The following ZNF483 variants were observed in gnomAD, a reference collection of about 807,000 sequenced individuals.
ZNF483 encodes zinc finger protein HIT-10.
In ZNF483, 9 loss-of-function variants were observed where a neutral mutation model predicts 28.6. The observed-to-expected ratio is 0.32, with a 90% CI of 0.19 to 0.55. ZNF483 has a LOEUF of 0.55. Among genes scored for constraint, ZNF483 ranks in the 20% least tolerant of loss-of-function variants. The probability of loss-of-function intolerance (pLI) is 0.93; values close to 1 mark genes in which losing one functional copy is unlikely to be tolerated. For missense variants in ZNF483, 675 were observed against 871.7 expected, an observed-to-expected ratio of 0.77 and a Z score of 2.84; for synonymous variants, 322 against 306.2, an observed-to-expected ratio of 1.05 and a Z score of -0.54.
intron 3 of ZNF483, 68 bp from the exon 4 acceptor site, chr9:111,533,671 C>CA (rs374986204): frequency 0.028 from 28,740 of 1,043,606 alleles, 11 homozygotes; most frequent in African/African-American, 0.035. Context: ...TAGCCTGTCT[C>CA]AAAAAAAAAA....
rs533458994 is a variant in ZNF483, at chr9:111,572,352, T to C, written c.722-4013T>C. ...GCTCATGCCTGTAATCCCAGCACTT[T>C]GGAAGACTGAAGGGAGCAGATCACG... is the stretch of plus-strand genomic sequence containing the variant. On this transcript the variant is annotated intron_variant, in intron 5 of 5. Coordinates refer to the ZNF483 transcript ENST00000358151. Among the ~76,000 whole-genome samples the C allele has an allele frequency of 1.8e-3, 273 of 152,282 alleles. 1 individual carries two copies. Among genetic ancestry groups the C allele is most frequent in the South Asian group, 0.016 (77 of 4,820 alleles).
At chr9:111,577,195 A>G (rs191989312) in exon 6 of ZNF483, 1 of 152,356 alleles carries the variant, frequency 6.6e-6, no homozygotes, top group East Asian at 1.9e-4. Context: ...GCAAATACAT[A>G]CGTTGAAAGA....
At chr9:111,534,168 A>G (rs1827420072) in intron 4 of ZNF483, 93 bp from the exon 5 acceptor site, 1 of 1,114,772 alleles carries the variant, frequency 9.0e-7, no homozygotes, top group South Asian at 1.4e-5. Flanking sequence ...GCATGTTTTT[A>G]TCTTCCTTGG....
At position 111,563,116 on chromosome 9, in the gene ZNF483, CT is replaced by C. The variant is rs761059161; in HGVS notation, c.722-13244del. 1.9e-6 allele frequency: 3 copies of C among 1,612,380 alleles called. No homozygotes were observed. The South Asian group carries it at 3.3e-5, about 18-fold the overall frequency. On this transcript the variant is annotated intron_variant, in intron 5 of 5. Transcript: ENST00000358151. Reference sequence around the variant, plus strand: ...ATGGCCTCCAGATTCCATGTGTCCTCTTTTTCATGCTTTCACTATTGTCTTC... The same window carrying C: ...ATGGCCTCCAGATTCCATGTGTCCTCTTTTCATGCTTTCACTATTGTCTTC...
At position 111,560,964 on chromosome 9, in the gene ZNF483, TATATATATATAGAGAGAGAGAG is replaced by T. The variant is rs1471294739; in HGVS notation, c.722-15399_722-15378del. On this transcript the variant is annotated intron_variant, in intron 5 of 5. Transcript: ENST00000358151. Reference sequence around the variant, plus strand: ...TCTAAAATATATATATATATATATATATATATATATAGAGAGAGAGAGAGAGAGAGAGAGAGAGAGAGAGAGA... The same window carrying T: ...TCTAAAATATATATATATATATATATAGAGAGAGAGAGAGAGAGAGAGAGA... 9.9e-4 allele frequency among the ~76,000 whole-genome samples: 48 copies of T among 48,488 alleles called. 2 individuals carry two copies. The highest frequency in any genetic ancestry group is 5.2e-3 in the Admixed American group (20 of 3,844). The allele number at this position is 48,488 out of a possible 152,430, so 31.8% of individuals were successfully genotyped here.
rs1368744361 is a variant in ZNF483, at chr9:111,542,555, A to G, written c.1620A>G (p.Gln540=). 3 of 1,614,120 alleles carry G rather than the reference A, an allele frequency of 1.9e-6. No homozygotes were observed. The Admixed American group carries it at 5.0e-5, about 27-fold the overall frequency. ...RPFSDSSSLI[Q]HQRIHTGEKP... ...TTAGTGACAGTTCATCTCTTATTCAACATCAGCGAATTCATACTGGAGAAA... is the reference window on the plus strand; with the variant it reads ...TTAGTGACAGTTCATCTCTTATTCAGCATCAGCGAATTCATACTGGAGAAA... The change falls in exon 6 of 6, where the codon CAA becomes CAG. Residue 540 remains glutamine (Q), a synonymous_variant. Transcript: ENST00000309235. This position sits in a 1 kb window ranked among gnomAD's most constrained non-coding sequence, Gnocchi z 6.2.
intron 5 of ZNF483, among the ~76,000 whole-genome samples, chr9:111,541,095 T>C (rs1827659707): frequency 6.6e-6 from 1 of 150,904 alleles, no homozygotes; most frequent in African/African-American, 2.4e-5. Context: ...AACCTTTTTT[T>C]TTTTTTTTTT....
rs779892728 is a variant in ZNF483, at chr9:111,542,289, G to A, written c.1354G>A (p.Ala452Thr). ...GTGTGGAAAAGCCTTTGGCTATAGC[G>A]CCTCACTCACCAAACATCGGAGAAT... is the stretch of plus-strand genomic sequence containing the variant. ...SKCGKAFGYS[A>T]SLTKHRRIHT... The change falls in exon 6 of 6, where the codon GCC (alanine) becomes ACC (threonine). Residue 452 changes from alanine (A) to threonine (T), a missense_variant. Ala to Thr is a moderately conservative substitution (Grantham distance 58, BLOSUM62 0). Transcript: ENST00000309235. The surrounding 1 kb of genome is among the most constrained non-coding windows in gnomAD (Gnocchi z 6.2). 18 of 1,613,988 alleles carry A rather than the reference G, an allele frequency of 1.1e-5. No individual in the cohort carries two copies. The highest frequency in any genetic ancestry group is 1.6e-4 in the Middle Eastern group (1 of 6,084).
intron 5 of ZNF483, chr9:111,574,624 T>A: frequency 2.4e-5 from 16 of 658,294 alleles, no homozygotes; most frequent in East Asian, 6.5e-5. Context: ...AAAAAAAGAA[T>A]ATATGAAAAT....
chr9:111,527,874 A>G (rs1827219075), intron 2 of ZNF483, 67 bp downstream of exon 2: 15 of 1,612,834 alleles, frequency 9.3e-6, no homozygotes, highest in Non-Finnish European at 1.3e-5. Flanking sequence ...AAATTCCTCA[A>G]AAGAAGGCAA....
At chr9:111,558,490 C>T (rs984649455), downstream of ZNF483, among the ~76,000 whole-genome samples, 15 of 152,088 alleles carry the variant, frequency 9.9e-5, no homozygotes, top group African/African-American at 2.9e-4. Context: ...TCAGCCTGGA[C>T]AACATAGCAA....
chr9:111,564,224 A>AT, intron 5 of ZNF483: 3 of 1,081,474 alleles, frequency 2.8e-6, no homozygotes, highest in Non-Finnish European at 3.4e-6. Flanking sequence ...TATAGACAAG[A>AT]TTATTTGCTT....
intron 5 of ZNF483, among the ~76,000 whole-genome samples, chr9:111,570,995 A>G (rs1198573707): frequency 6.6e-6 from 1 of 152,204 alleles, no homozygotes; most frequent in Non-Finnish European, 1.5e-5. Context: ...AAGGGGCCAC[A>G]TGCCAAGAAA....
chr9:111,560,894 GATC>G (rs1254154179), intron 5 of ZNF483, among the ~76,000 whole-genome samples: 1 of 144,686 alleles, frequency 6.9e-6, no homozygotes, highest in South Asian at 2.2e-4. Context: ...AGTGAGTGGA[GATC>G]GCACCACTGC....
chr9:111,574,633 A>G, intron 5 of ZNF483: 1 of 775,998 alleles, frequency 1.3e-6, no homozygotes, highest in East Asian at 2.8e-5. Context: ...ATATATGAAA[A>G]TCTTTCTAAT....
Position 111,544,031 on chromosome 9 carries a change from C to T in ZNF483, c.*861C>T. On this transcript the variant is annotated 3_prime_UTR_variant, in exon 6 of 6. Transcript: ENST00000309235. Reference sequence around the variant, plus strand: ...GAATGGGTCAGTGAAGTTCAAACGACTTTTCCTTGAGGGAGTATTTTAATC... The same window carrying T: ...GAATGGGTCAGTGAAGTTCAAACGATTTTTCCTTGAGGGAGTATTTTAATC... 3 of 985,388 alleles carry T rather than the reference C, an allele frequency of 3.0e-6. No homozygotes were observed. The highest frequency in any genetic ancestry group is 3.6e-6 in the Non-Finnish European group (3 of 829,942). The allele number at this position is 985,388 out of a possible 1,614,324, so 61.0% of individuals were successfully genotyped here.
In ZNF483 at chr9:111,534,159, C is replaced by T. The variant is rs377438032; in HGVS notation, c.629-102C>T. 124 of 1,018,644 alleles carry T rather than the reference C, an allele frequency of 1.2e-4. 2 individuals are homozygous for T. The East Asian group carries it at 2.1e-3, about 17-fold the overall frequency. The allele number at this position is 1,018,644 out of a possible 1,614,324, so 63.1% of individuals were successfully genotyped here. ...TATTTATGTCTGTGTATTTTGGTAG[C>T]ATGTTTTTATCTTCCTTGGAGAACC... is the stretch of plus-strand genomic sequence containing the variant. On this transcript the variant is annotated intron_variant, in intron 4 of 5. Coordinates refer to ENST00000309235, the MANE Select transcript of ZNF483 (RefSeq NM_133464.5).
chr9:111,538,842 G>A (rs1451904362), intron 5 of ZNF483, among the ~76,000 whole-genome samples: 1 of 152,002 alleles, frequency 6.6e-6, no homozygotes, highest in African/African-American at 2.4e-5. Context: ...AGCCAGGTGT[G>A]GTGGCTCACC....
At chr9:111,538,017 G>A (rs1004099453) in intron 5 of ZNF483, among the ~76,000 whole-genome samples, 9 of 152,006 alleles carry the variant, frequency 5.9e-5, no homozygotes, top group Non-Finnish European at 7.4e-5. Context: ...GTGTGTGTAC[G>A]TTTTGATAAA....
Sources: allele counts gnomAD v4.1 joint callset (sites outside exome capture counted in the v4.1 genomes callset), GRCh38; gene constraint gnomAD v4.1.1; non-coding constraint Gnocchi (gnomAD v3.1); transcripts MANE v1.5; gene names NCBI Gene and HGNC (gene_info 2026-07-23, HGNC 2026-07-21).